CDC42BPA: variants seen among roughly 807,000 people sequenced by gnomAD.
CDC42BPA encodes the protein serine/threonine-protein kinase MRCK alpha.
In CDC42BPA, 80 loss-of-function variants were observed where a neutral mutation model predicts 223.5. The ratio of observed to expected loss-of-function variants is 0.36; its 90% CI spans 0.30 to 0.43. The LOEUF (loss-of-function observed/expected upper bound fraction) is 0.43, where lower values mean the gene tolerates loss of function less well. CDC42BPA is among the 20% of genes least tolerant of loss of function. CDC42BPA has a pLI of 1.00. For synonymous variants in CDC42BPA, 694 were observed against 718.6 expected (o/e 0.97, Z 0.55); for missense variants, 1,743 against 2,099.9 (o/e 0.83, Z 3.32).
At chr1:227,215,399 T>C (rs1572414345) in intron 2 of CDC42BPA, among the ~76,000 whole-genome samples, 2 of 152,328 alleles carry the variant, frequency 1.3e-5, no homozygotes, top group African/African-American at 2.4e-5. Flanking sequence ...GTCCTTGTCA[T>C]GATCATGGGG....
chr1:227,152,534 C>T (rs1661980051), intron 6 of CDC42BPA, among the ~76,000 whole-genome samples: 2 of 152,016 alleles, frequency 1.3e-5, no homozygotes, highest in African/African-American at 4.8e-5. Context: ...TAAAGATAAA[C>T]ACTAAAATAC....
chr1:227,049,555 G>T (rs1355034465), intron 22 of CDC42BPA, among the ~76,000 whole-genome samples: 1 of 152,044 alleles, frequency 6.6e-6, no homozygotes, highest in East Asian at 1.9e-4. Context: ...TTGACAAGCT[G>T]ACCTTAAAAG....
chr1:227,135,162 A>G (rs1198258972), intron 10 of CDC42BPA, among the ~76,000 whole-genome samples: 3 of 152,138 alleles, frequency 2.0e-5, no homozygotes, highest in African/African-American at 7.2e-5. Context: ...GGAAAGAAAA[A>G]CCACTGAAGC....
intron 1 of CDC42BPA, among the ~76,000 whole-genome samples, chr1:227,300,194 C>T (rs1242857626): frequency 6.6e-6 from 1 of 152,104 alleles, no homozygotes; most frequent in Non-Finnish European, 1.5e-5. Context: ...TGGTGAAAAG[C>T]GAACACTTAT....
At chr1:227,220,309 T>TATATAC (rs1396467157) in intron 2 of CDC42BPA, among the ~76,000 whole-genome samples, 16 of 75,390 alleles carry the variant, frequency 2.1e-4, no homozygotes, top group African/African-American at 7.2e-4. Context: ...TATATATATA[T>TATATAC]ATACACACAC....
intron 3 of CDC42BPA, among the ~76,000 whole-genome samples, chr1:227,204,073 T>C (rs1179107307): frequency 6.6e-6 from 1 of 152,246 alleles, no homozygotes; most frequent in African/African-American, 2.4e-5. Context: ...TTCCATAGAA[T>C]ACTATCACAG....
intron 10 of CDC42BPA, among the ~76,000 whole-genome samples, chr1:227,129,666 CAAAAAAAA>C (rs569879499): frequency 0.057 from 1,914 of 33,852 alleles, 38 homozygotes; most frequent in Middle Eastern, 0.077. Flanking sequence ...GACTGTATCT[CAAAAAAAA>C]AAAAAAAAAA....
At chr1:227,054,992 G>C (rs553347919) in intron 21 of CDC42BPA, among the ~76,000 whole-genome samples, 3 of 151,780 alleles carry the variant, frequency 2.0e-5, no homozygotes, top group African/African-American at 7.2e-5. Context: ...GATGGTATTA[G>C]GCATATTAAA....
In CDC42BPA at chr1:227,047,992, G is replaced by C; in HGVS notation, c.3028C>G (p.Leu1010Val). The C allele has an allele frequency of 6.2e-7, 1 of 1,609,738 alleles. No individual in the cohort carries two copies. Among genetic ancestry groups the C allele is most frequent in the South Asian group, 1.1e-5 (1 of 90,854 alleles). Reference sequence around the variant, plus strand: ...CTTAAGGTTGGTGTGTGAACTGAAAGTGGAGTGGAGTCTACAGTCTGAACC... The same window carrying C: ...CTTAAGGTTGGTGTGTGAACTGAAACTGGAGTGGAGTCTACAGTCTGAACC... ...EPVKTVDSTP[L>V]SVHTPTLRKK... The change falls in exon 23 of 37, where the codon CTT (leucine) becomes GTT (valine). Residue 1010 changes from leucine (L) to valine (V), a missense_variant. This residue lies in a region of CDC42BPA where 678 missense variants were observed against 777.5 expected (regional missense o/e 0.87). Coordinates refer to ENST00000366766, the MANE Select transcript of CDC42BPA (RefSeq NM_001394014.1).
intron 1 of CDC42BPA, among the ~76,000 whole-genome samples, chr1:227,267,736 A>G (rs1379062784): frequency 1.3e-5 from 2 of 152,240 alleles, no homozygotes; most frequent in African/African-American, 4.8e-5. Context: ...CAGGAGAGCA[A>G]GCAAGGGCAA....
chr1:227,219,089 T>C (rs1239267691), intron 2 of CDC42BPA, among the ~76,000 whole-genome samples: 5 of 152,170 alleles, frequency 3.3e-5, no homozygotes, highest in Non-Finnish European at 7.3e-5. Context: ...AATCATGCAA[T>C]ATAACTTCTT....
intron 1 of CDC42BPA, among the ~76,000 whole-genome samples, chr1:227,275,764 G>C (rs983434553): frequency 1.3e-5 from 2 of 152,154 alleles, no homozygotes; most frequent in African/African-American, 4.8e-5. Flanking sequence ...CGCCACGCCT[G>C]ACTGGTTTTT....
intron 10 of CDC42BPA, among the ~76,000 whole-genome samples, chr1:227,135,855 C>CAAAAAAAAAAAAAA (rs1175091904): frequency 3.0e-4 from 2 of 6,576 alleles, no homozygotes; most frequent in Non-Finnish European, 6.8e-4. Flanking sequence ...CTCTGTCTCC[C>CAAAAAAAAAAAAAA]AAAAAAAAAA....
chr1:227,071,608 T>C (rs1436665202), intron 20 of CDC42BPA, among the ~76,000 whole-genome samples: 1 of 151,690 alleles, frequency 6.6e-6, no homozygotes, highest in Admixed American at 6.6e-5. Context: ...GAAGAAGACA[T>C]TAAAATGCCC....
At chr1:227,059,452 T>TA (rs1401024889) in intron 21 of CDC42BPA, 1 of 1,510,102 alleles carries the variant, frequency 6.6e-7, no homozygotes, top group Non-Finnish European at 9.0e-7. Flanking sequence ...TACAAATATT[T>TA]ACACACATAA....
chr1:227,005,813 T>A (rs1663907620), intron 34 of CDC42BPA, among the ~76,000 whole-genome samples: 1 of 152,214 alleles, frequency 6.6e-6, no homozygotes, highest in Non-Finnish European at 1.5e-5. Context: ...TATTTCCATT[T>A]AATTATTGAA....
At chr1:227,249,896 G>T (rs754285505) in intron 2 of CDC42BPA, among the ~76,000 whole-genome samples, 1 of 119,452 alleles carries the variant, frequency 8.4e-6, no homozygotes, top group Admixed American at 7.6e-5. Flanking sequence ...TAGCACAAGA[G>T]GGGGACTGTA....
chr1:227,010,761 G>C (rs1665019147), intron 34 of CDC42BPA: 1 of 370,354 alleles, frequency 2.7e-6, no homozygotes, highest in South Asian at 4.5e-5. Context: ...AAGAGAAATA[G>C]GCCAAAGGAA....
chr1:227,138,524 C>CAA (rs61617075), intron 10 of CDC42BPA, among the ~76,000 whole-genome samples: 2 of 96,166 alleles, frequency 2.1e-5, no homozygotes, highest in East Asian at 2.8e-4. Flanking sequence ...CCCCAGAAGC[C>CAA]AAAAAAAAAA....
Sources: allele counts gnomAD v4.1 joint callset (sites outside exome capture counted in the v4.1 genomes callset), GRCh38; gene constraint gnomAD v4.1.1; regional missense constraint gnomAD v4.1.1; transcripts MANE v1.5; gene names NCBI Gene and HGNC (gene_info 2026-07-23, HGNC 2026-07-21).